The following ANLN variants were observed in gnomAD, a reference collection of about 807,000 sequenced individuals.
ANLN encodes anillin, actin binding protein.
Under a neutral mutation model 135.1 loss-of-function variants are expected in ANLN, and 59 were observed. The observed-to-expected ratio is 0.44, with a 90% CI of 0.35 to 0.54. The LOEUF (loss-of-function observed/expected upper bound fraction) is 0.54. ANLN is among the 20% of genes least tolerant of loss of function. The pLI is 0.00. For missense variants in ANLN, 1,182 were observed against 1,340.0 expected (o/e 0.88, Z 1.84); for synonymous variants, 406 against 456.4 (o/e 0.89, Z 1.41).
intron 20 of ANLN, among the ~76,000 whole-genome samples, chr7:36,435,118 T>C (rs36028345): frequency 0.27 from 40,723 of 151,990 alleles, 5,565 homozygotes; most frequent in South Asian, 0.3. Context: ...TTGTACTCAA[T>C]ATAGTTGTAA....
chr7:36,396,201 A>T, intron 1 of ANLN, 65 bp from the exon 2 acceptor site: 1 of 1,405,748 alleles, frequency 7.1e-7, no homozygotes, highest in Non-Finnish European at 9.6e-7. Flanking sequence ...ATTTTAGAAG[A>T]TACTGCAATT....
chr7:36,430,007 CTG>C (rs531058975), intron 20 of ANLN, among the ~76,000 whole-genome samples: 117 of 152,272 alleles, frequency 7.7e-4, no homozygotes, highest in African/African-American at 2.6e-3. Context: ...GAAGTAAAAT[CTG>C]GAACAAATTT....
At chr7:36,418,694 C>T (rs1787746857) in intron 9 of ANLN, among the ~76,000 whole-genome samples, 1 of 151,920 alleles carries the variant, frequency 6.6e-6, no homozygotes, top group Non-Finnish European at 1.5e-5. Context: ...TTACTTAAAC[C>T]CAAGGTATTG....
chr7:36,414,392 C>G (rs1787555253), intron 7 of ANLN, among the ~76,000 whole-genome samples: 1 of 152,064 alleles, frequency 6.6e-6, no homozygotes, highest in Admixed American at 6.6e-5. Context: ...ATGAACTCCG[C>G]ACAGTGAAGG....
chr7:36,406,564 G>A lies in ANLN; in HGVS notation c.871G>A (p.Val291Met). Residue 291 changes from valine to methionine, a missense_variant and splice_region_variant, in exon 4 of 24, where the codon GTG becomes ATG. Coordinates refer to ENST00000265748, the MANE Select transcript of ANLN (RefSeq NM_018685.5). The part of the protein sequence containing the change: ...SLVNASISSS[V>M]KATSPVKSTT... ...GGTTAATGCCTCAATTTCCAGCTCTGTGGTAAGTCAGTATCATTTTGGTCT... is the reference window on the plus strand; with the variant it reads ...GGTTAATGCCTCAATTTCCAGCTCTATGGTAAGTCAGTATCATTTTGGTCT... The A allele has an allele frequency of 6.7e-7, 1 of 1,496,414 alleles. No homozygotes were observed. Among genetic ancestry groups the A allele is most frequent in the Non-Finnish European group, 8.9e-7 (1 of 1,124,318 alleles). 92.7% of individuals were successfully genotyped at this position (1,496,414 alleles called of 1,614,324 possible). A position where few individuals can be genotyped will look rare whatever the true frequency, so the allele number is the denominator to read the frequency against.
At position 36,410,663 on chromosome 7, in the gene ANLN, A is replaced by G. The variant is rs776745523; in HGVS notation, c.1246A>G (p.Thr416Ala). Reference protein sequence around the residue: ...AIQERLFKQDTSSSTTHLAQQ... With the variant: ...AIQERLFKQDASSSTTHLAQQ... ...CCAAGAAAGATTATTCAAGCAAGAC[A>G]CATCTTCATCTACTACCCATTTAGC... Residue 416 changes from threonine (T) to alanine (A), a missense_variant, in exon 6 of 24, where the codon ACA becomes GCA. Coordinates refer to ENST00000265748, the MANE Select transcript of ANLN (RefSeq NM_018685.5). The G allele has an allele frequency of 2.5e-6, 4 of 1,613,996 alleles. No homozygotes were observed. Among genetic ancestry groups the G allele is most frequent in the Non-Finnish European group, 3.4e-6 (4 of 1,180,004 alleles).
intron 3 of ANLN, among the ~76,000 whole-genome samples, chr7:36,405,099 T>C (rs1787134566): frequency 6.6e-6 from 1 of 152,244 alleles, no homozygotes; most frequent in African/African-American, 2.4e-5. Context: ...CATTATAATG[T>C]ATTTTTACTG....
At chr7:36,425,977 CTT>C in intron 18 of ANLN, 36 bp from the exon 19 acceptor site, 7 of 1,437,582 alleles carry the variant, frequency 4.9e-6, no homozygotes, top group Non-Finnish European at 6.6e-6. Context: ...AGGGAAATAA[CTT>C]ATGTTTCTTC....
At chr7:36,395,254 A>G (rs567472460) in intron 1 of ANLN, among the ~76,000 whole-genome samples, 1 of 152,342 alleles carries the variant, frequency 6.6e-6, no homozygotes, top group Admixed American at 6.5e-5. Context: ...TCAACATGTC[A>G]GTGGAATTGT....
chr7:36,428,886 C>T (rs1379450134), intron 20 of ANLN, among the ~76,000 whole-genome samples: 2 of 148,458 alleles, frequency 1.3e-5, no homozygotes, highest in Non-Finnish European at 3.0e-5. Context: ...TCAAGCGATT[C>T]TCCTGCCTCA....
rs574135353 is a variant in ANLN, at chr7:36,432,069, A to C, written c.2883+5041A>C. On this transcript the variant is annotated intron_variant, in intron 20 of 23. Transcript: ENST00000265748. ...GTTTTTTTTCATCAAAGAATAAAAA[A>C]ATATTAGCTGGGTGTGGTGGTACAC... Among the ~76,000 whole-genome samples the C allele has an allele frequency of 2.6e-5, 4 of 152,258 alleles. No homozygotes were observed. The South Asian group carries it at 8.3e-4, about 32-fold the overall frequency.
chr7:36,390,879 T>C lies in ANLN; in HGVS notation c.18+835T>C, dbSNP rs375441422. 3.9e-5 allele frequency among the ~76,000 whole-genome samples: 6 copies of C among 152,230 alleles called. No individual in the cohort carries two copies. In the East Asian group the frequency reaches 9.6e-4, roughly 24 times the overall value. On this transcript the variant is annotated intron_variant, in intron 1 of 23. Transcript: ENST00000265748. ...TTTTGTTGCCAGTTGTCCACTCTCTTTTATTCCAGGACAGTTCCTCTTTCT... is the reference window on the plus strand; with the variant it reads ...TTTTGTTGCCAGTTGTCCACTCTCTCTTATTCCAGGACAGTTCCTCTTTCT...
intron 5 of ANLN, among the ~76,000 whole-genome samples, chr7:36,409,533 G>C (rs1024903357): frequency 6.6e-6 from 1 of 152,060 alleles, no homozygotes; most frequent in Non-Finnish European, 1.5e-5. Context: ...GCTAATCTTT[G>C]ATATAGATAA....
Position 36,423,918 on chromosome 7 carries a change from C to T in ANLN, c.2578C>T (p.Leu860=). 1.2e-6 allele frequency: 2 copies of T among 1,612,136 alleles called. No homozygotes were observed. Among genetic ancestry groups the T allele is most frequent in the Non-Finnish European group, 1.7e-6 (2 of 1,179,016 alleles). The change falls in exon 15 of 24, where the codon CTG becomes TTG. Residue 860 remains leucine, a synonymous_variant. Coordinates refer to ENST00000265748, the MANE Select transcript of ANLN (RefSeq NM_018685.5). ...STSNSLNGDA[L]TFTTTFTLQD... ...TTCAAACTCTCTTAACGGTGATGCT[C>T]TGACATTCACTACTACATTTACTCT... is the stretch of plus-strand genomic sequence containing the variant.
intron 21 of ANLN, among the ~76,000 whole-genome samples, chr7:36,441,551 G>A (rs1051877300): frequency 1.3e-5 from 2 of 152,226 alleles, no homozygotes; most frequent in African/African-American, 4.8e-5. Context: ...TTCTGACAGG[G>A]TGCCGGGCTA....
rs144322389 is a variant in ANLN, at chr7:36,452,381, T to A, written c.3252-96T>A. ...AGGTGGTTAAAGGTAATTCATTTAC[T>A]GGTTTATTTAGTCATTTTTTTCCCT... is the stretch of plus-strand genomic sequence containing the variant. On this transcript the variant is annotated intron_variant, in intron 23 of 23. Transcript: ENST00000265748. 7.9e-4 allele frequency: 1,184 copies of A among 1,494,130 alleles called. 11 individuals carry two copies. The African/African-American group carries it at 0.014, about 18-fold the overall frequency. The allele number at this position is 1,494,130 out of a possible 1,614,324, so 92.6% of individuals were successfully genotyped here.
intron 9 of ANLN, among the ~76,000 whole-genome samples, chr7:36,417,856 T>C (rs527925980): frequency 6.6e-6 from 1 of 152,134 alleles, no homozygotes; most frequent in East Asian, 1.9e-4. Context: ...TTTGTATTTT[T>C]AGTAGAGAGG....
intron 23 of ANLN, among the ~76,000 whole-genome samples, chr7:36,450,783 C>T (rs1789211780): frequency 6.6e-6 from 1 of 152,212 alleles, no homozygotes; most frequent in Admixed American, 6.5e-5. Context: ...TCCATGGTCA[C>T]GGTCAGTGGA....
At chr7:36,449,182 G>A (rs1316557629) in intron 22 of ANLN, 1 of 152,222 alleles carries the variant, frequency 6.6e-6, no homozygotes, top group South Asian at 2.1e-4. Context: ...ACTTTGACTC[G>A]TATCATAGGA....
Sources: gnomAD v4.1 joint callset for allele counts (sites outside exome capture counted in the v4.1 genomes callset) on GRCh38, gnomAD v4.1.1 for gene constraint, MANE v1.5 for transcripts, NCBI Gene and HGNC (gene_info 2026-07-23, HGNC 2026-07-21) for gene names.